Variants in PTN observed in about 807,000 individuals in gnomAD.
The protein encoded by PTN is pleiotrophin.
Under a neutral mutation model 24.1 loss-of-function variants are expected in PTN, and 18 were observed. The observed-to-expected ratio is 0.75, with a 90% confidence interval of 0.52 to 1.11. PTN has a LOEUF of 1.11. Ranked by LOEUF, PTN falls within the 50% of genes least tolerant of loss-of-function variation. PTN has a pLI of 0.00. For missense variants in PTN, 163 were observed against 198.8 expected, an observed-to-expected ratio of 0.82 and a Z score of 1.08; for synonymous variants, 78 against 68.6, an observed-to-expected ratio of 1.14 and a Z score of -0.67.
intron 4 of PTN, among the ~76,000 whole-genome samples, chr7:137,247,464 C>T (rs1021151789): frequency 1.3e-5 from 2 of 151,838 alleles, no homozygotes; most frequent in Non-Finnish European, 2.9e-5. Context: ...GATCTAAAAT[C>T]GAAACAAACT....
chr7:137,306,215 G>A (rs932580541), intron 1 of PTN, among the ~76,000 whole-genome samples: 1 of 152,030 alleles, frequency 6.6e-6, no homozygotes, highest in African/African-American at 2.4e-5. Flanking sequence ...ATTTGGGTGA[G>A]AGCAATACCA....
At chr7:137,334,848 G>T (rs2128883308) in intron 1 of PTN, among the ~76,000 whole-genome samples, 1 of 152,038 alleles carries the variant, frequency 6.6e-6, no homozygotes, top group South Asian at 2.1e-4. Flanking sequence ...ATATACCATG[G>T]AATACTATGC....
chr7:137,294,940 A>T (rs1809696234), intron 1 of PTN, among the ~76,000 whole-genome samples: 1 of 152,126 alleles, frequency 6.6e-6, no homozygotes, highest in Non-Finnish European at 1.5e-5. Flanking sequence ...TTTGGCAAAC[A>T]ATAAAAAAGA....
chr7:137,265,591 G>C (rs1809128330), intron 1 of PTN, among the ~76,000 whole-genome samples: 1 of 152,208 alleles, frequency 6.6e-6, no homozygotes, highest in African/African-American at 2.4e-5. Context: ...CAGGGTACCA[G>C]ACTTTGGGAT....
At chr7:137,278,945 CAATAATAATAATAAT>C (rs59932923) in intron 1 of PTN, among the ~76,000 whole-genome samples, 61 of 134,286 alleles carry the variant, frequency 4.5e-4, no homozygotes, top group African/African-American at 1.6e-3. Context: ...CATCTCAGAA[CAATAATAATAATAAT>C]AATAATAATA....
At chr7:137,310,481 T>G (rs1809963551) in intron 1 of PTN, among the ~76,000 whole-genome samples, 1 of 148,516 alleles carries the variant, frequency 6.7e-6, no homozygotes, top group African/African-American at 2.5e-5. Flanking sequence ...CACTGCAACC[T>G]CCGACTCCCT....
chr7:137,235,197 C>T (rs1808498105), intron 4 of PTN, among the ~76,000 whole-genome samples: 2 of 152,068 alleles, frequency 1.3e-5, no homozygotes, highest in South Asian at 4.1e-4. Context: ...CAAAAGCCTG[C>T]ATATCACCAA....
intron 4 of PTN, among the ~76,000 whole-genome samples, chr7:137,238,774 A>C (rs1281412476): frequency 6.6e-6 from 1 of 152,208 alleles, no homozygotes; most frequent in East Asian, 1.9e-4. Flanking sequence ...AGCTTGAGTG[A>C]GACAATGCAG....
At chr7:137,301,130 T>C (rs890737954) in intron 1 of PTN, among the ~76,000 whole-genome samples, 1 of 151,976 alleles carries the variant, frequency 6.6e-6, no homozygotes, top group Non-Finnish European at 1.5e-5. Flanking sequence ...CATCCTTACA[T>C]GACTAGAGTC....
chr7:137,269,236 C>T (rs374856881), intron 1 of PTN, among the ~76,000 whole-genome samples: 1 of 152,142 alleles, frequency 6.6e-6, no homozygotes, highest in Admixed American at 6.5e-5. Context: ...TCTCTTCTTA[C>T]TTTTATCTAG....
At chr7:137,239,549 C>T (rs370775726) in intron 4 of PTN, among the ~76,000 whole-genome samples, 7 of 152,120 alleles carry the variant, frequency 4.6e-5, no homozygotes, top group Admixed American at 3.3e-4. Context: ...ATCCCTCCCC[C>T]CTCCTCCCAC....
intron 1 of PTN, among the ~76,000 whole-genome samples, chr7:137,287,027 CTTGAT>C (rs1240213059): frequency 4.6e-5 from 7 of 152,166 alleles, no homozygotes; most frequent in African/African-American, 1.7e-4. Flanking sequence ...AAGAACTTAA[CTTGAT>C]TTGAGTCCTA....
intron 1 of PTN, among the ~76,000 whole-genome samples, chr7:137,335,175 C>G (rs1357435077): frequency 1.3e-5 from 2 of 151,452 alleles, no homozygotes. Flanking sequence ...CACATGTACC[C>G]TAAAACTTAA....
chr7:137,269,622 CT>C (rs1809237159), intron 1 of PTN, among the ~76,000 whole-genome samples: 1 of 106,066 alleles, frequency 9.4e-6, no homozygotes, highest in Non-Finnish European at 1.8e-5. Flanking sequence ...GCTGCTTCAT[CT>C]ATTTTTTTTT....
chr7:137,339,163 A>G (rs1434794656), intron 1 of PTN, among the ~76,000 whole-genome samples: 1 of 152,158 alleles, frequency 6.6e-6, no homozygotes, highest in Non-Finnish European at 1.5e-5. Context: ...GTGACTTTTA[A>G]AGCATCTTTT....
intron 1 of PTN, among the ~76,000 whole-genome samples, chr7:137,284,219 G>C (rs1287377431): frequency 6.6e-6 from 1 of 151,798 alleles, no homozygotes; most frequent in Non-Finnish European, 1.5e-5. Context: ...GCCTCCCAAA[G>C]TGCTGGGATT....
At chr7:137,296,580 C>T (rs1033716337) in intron 1 of PTN, among the ~76,000 whole-genome samples, 2 of 151,974 alleles carry the variant, frequency 1.3e-5, no homozygotes, top group African/African-American at 4.8e-5. Flanking sequence ...TAAAAAACTA[C>T]TGATTAAAAA....
chr7:137,261,318 AG>A (rs1809033963), intron 1 of PTN, among the ~76,000 whole-genome samples: 1 of 152,196 alleles, frequency 6.6e-6, no homozygotes, highest in Admixed American at 6.5e-5. Flanking sequence ...GAGTGAGGAA[AG>A]GACAAAGGAA....
At chr7:137,228,105 A>G in intron 4 of PTN, 30 bp from the exon 5 acceptor site, 1 of 1,363,940 alleles carries the variant, frequency 7.3e-7, no homozygotes, top group Non-Finnish European at 1.0e-6. Flanking sequence ...AGACAGAAAG[A>G]GAGAAAGAGA....
Sources: gnomAD v4.1 joint callset for allele counts (sites outside exome capture counted in the v4.1 genomes callset) on GRCh38, gnomAD v4.1.1 for gene constraint, MANE v1.5 for transcripts, NCBI Gene and HGNC (gene_info 2026-07-23, HGNC 2026-07-21) for gene names.